NALF1: variants seen among roughly 807,000 people sequenced by gnomAD.
NALF1 encodes family with sequence similarity 155 member A.
Under a neutral mutation model 48.4 loss-of-function variants are expected in NALF1, and 3 were observed. That is an observed-to-expected ratio of 0.06 (90% CI 0.03 to 0.16). The LOEUF (loss-of-function observed/expected upper bound fraction) is 0.16, where lower values mean the gene tolerates loss of function less well. Ranked by LOEUF, NALF1 falls within the 10% of genes least tolerant of loss-of-function variation. The pLI, the probability that NALF1 is intolerant of heterozygous loss-of-function variation, is 1.00. For missense variants in NALF1, 526 were observed against 571.5 expected, an observed-to-expected ratio of 0.92 and a Z score of 0.81; for synonymous variants, 262 against 245.7, an observed-to-expected ratio of 1.07 and a Z score of -0.62.
At chr13:107,547,574 A>G (rs191263463) in intron 1 of NALF1, among the ~76,000 whole-genome samples, 1 of 152,226 alleles carries the variant, frequency 6.6e-6, no homozygotes, top group Admixed American at 6.5e-5. Context: ...CATTATCCCC[A>G]TTTTACAGAT....
At chr13:107,679,350 TA>T in intron 1 of NALF1, among the ~76,000 whole-genome samples, 1 of 152,344 alleles carries the variant, frequency 6.6e-6, no homozygotes, top group East Asian at 1.9e-4. Flanking sequence ...TTCTCCTTAT[TA>T]AGCCCTGCTA....
At chr13:107,788,808 TAGAC>T (rs1878149223) in intron 1 of NALF1, 1 of 151,738 alleles carries the variant, frequency 6.6e-6, no homozygotes, top group African/African-American at 2.4e-5. Context: ...TTTTGTCACA[TAGAC>T]AGAAGGCTTG....
chr13:107,750,889 C>A (rs1891156), intron 1 of NALF1, among the ~76,000 whole-genome samples: 88,267 of 151,958 alleles, frequency 0.58, 28,973 homozygotes, highest in East Asian at 0.81. Context: ...CCCCCACAGC[C>A]CCCGGCCAAA....
chr13:107,836,003 T>C (rs139981802), intron 1 of NALF1, among the ~76,000 whole-genome samples: 1,853 of 152,266 alleles, frequency 0.012, 11 homozygotes, highest in Non-Finnish European at 0.02. Flanking sequence ...TTTGTTTTTT[T>C]CTTTTTGAGA....
chr13:107,562,973 G>C (rs1439154167), intron 1 of NALF1, among the ~76,000 whole-genome samples: 1 of 152,174 alleles, frequency 6.6e-6, no homozygotes, highest in Non-Finnish European at 1.5e-5. Context: ...ACTTACATGA[G>C]TAGGCTTTTT....
intron 1 of NALF1, among the ~76,000 whole-genome samples, chr13:107,721,026 T>A (rs921696659): frequency 6.6e-6 from 1 of 151,888 alleles, no homozygotes; most frequent in Admixed American, 6.6e-5. Context: ...GGATATCACA[T>A]GAATGGTACA....
intron 1 of NALF1, among the ~76,000 whole-genome samples, chr13:107,409,610 T>G (rs561883633): frequency 6.6e-6 from 1 of 152,118 alleles, no homozygotes; most frequent in Non-Finnish European, 1.5e-5. Flanking sequence ...TCGTGGTAAA[T>G]CAGATTTGGG....
chr13:107,823,566 G>A (rs1223766600), intron 1 of NALF1, among the ~76,000 whole-genome samples: 1 of 151,852 alleles, frequency 6.6e-6, no homozygotes, highest in Admixed American at 6.6e-5. Flanking sequence ...ACTGGCTTTG[G>A]TCAGTAACCC....
intron 1 of NALF1, among the ~76,000 whole-genome samples, chr13:107,864,543 G>A (rs1880658948): frequency 6.6e-6 from 1 of 152,224 alleles, no homozygotes; most frequent in Non-Finnish European, 1.5e-5. Context: ...GGGAAAGTAG[G>A]AGAGAAAGAG....
At chr13:107,841,634 T>C (rs1337585780) in intron 1 of NALF1, among the ~76,000 whole-genome samples, 1 of 147,784 alleles carries the variant, frequency 6.8e-6, no homozygotes, top group Admixed American at 6.7e-5. Flanking sequence ...TGCTGGAATA[T>C]CCTTAAAAAA....
At chr13:107,796,665 G>C (rs1328259679) in intron 1 of NALF1, among the ~76,000 whole-genome samples, 2 of 151,980 alleles carry the variant, frequency 1.3e-5, no homozygotes, top group African/African-American at 4.8e-5. Context: ...ATGCTGTTAG[G>C]GTGGTCCTTC....
At chr13:107,190,859 G>A (rs1213149217) in intron 2 of NALF1, among the ~76,000 whole-genome samples, 4 of 152,132 alleles carry the variant, frequency 2.6e-5, no homozygotes, top group Non-Finnish European at 5.9e-5. Context: ...TTGGAAACAG[G>A]GACATCTCTG....
At chr13:107,266,491 T>C (rs1300681566) in intron 1 of NALF1, among the ~76,000 whole-genome samples, 1 of 152,212 alleles carries the variant, frequency 6.6e-6, no homozygotes, top group Non-Finnish European at 1.5e-5. Flanking sequence ...ATTTAGGTTA[T>C]TTTCTCACTA....
chr13:107,515,612 A>C (rs1420607550), intron 1 of NALF1, among the ~76,000 whole-genome samples: 1 of 152,220 alleles, frequency 6.6e-6, no homozygotes, highest in Admixed American at 6.5e-5. Flanking sequence ...TACTAATAAT[A>C]ACCAGGTATT....
At chr13:107,743,792 G>A (rs1418413653) in intron 1 of NALF1, among the ~76,000 whole-genome samples, 1 of 152,170 alleles carries the variant, frequency 6.6e-6, no homozygotes, top group Non-Finnish European at 1.5e-5. Flanking sequence ...AGGTTATACA[G>A]GAACTGTGAA....
rs1404660605 is a variant in NALF1, at chr13:107,818,946, C to T, written c.915+46736G>A. Among the ~76,000 whole-genome samples, 4 of 148,890 alleles carry T rather than the reference C, an allele frequency of 2.7e-5. No individual in the cohort carries two copies. The East Asian group carries it at 8.0e-4, about 30-fold the overall frequency. On this transcript the variant is annotated intron_variant, in intron 1 of 2. Transcript: ENST00000375915. ...CCAGTGTGAGGGTGAAAAGATCCAA[C>T]TATGTTCTTGCAGTGTGAGAATGCT...
intron 1 of NALF1, among the ~76,000 whole-genome samples, chr13:107,463,798 G>C (rs375549748): frequency 6.6e-6 from 1 of 152,216 alleles, no homozygotes; most frequent in Non-Finnish European, 1.5e-5. Context: ...AGAGGAAAAG[G>C]CATTCCAAAA....
intron 1 of NALF1, among the ~76,000 whole-genome samples, chr13:107,783,122 G>A (rs1209953839): frequency 2.2e-5 from 3 of 138,026 alleles, no homozygotes; most frequent in East Asian, 2.3e-4. Context: ...GGGCGCCTCT[G>A]CCCGGCCGCC....
At chr13:107,251,625 G>A (rs919069087) in intron 1 of NALF1, among the ~76,000 whole-genome samples, 2 of 152,160 alleles carry the variant, frequency 1.3e-5, no homozygotes, top group African/African-American at 2.4e-5. Flanking sequence ...GCTGAAGGTA[G>A]GGGAGTGCAG....
Sources: allele counts gnomAD v4.1 joint callset (sites outside exome capture counted in the v4.1 genomes callset), GRCh38; gene constraint gnomAD v4.1.1; transcripts MANE v1.5; gene names NCBI Gene and HGNC (gene_info 2026-07-23, HGNC 2026-07-21).